The following MON1A variants were observed in gnomAD, a reference collection of about 807,000 sequenced individuals.
The protein encoded by MON1A is vacuolar fusion protein MON1 homolog A.
MON1A carries 29 observed loss-of-function variants against 44.6 expected under a neutral mutation model. The observed-to-expected ratio is 0.65, with a 90% CI of 0.48 to 0.89. MON1A has a LOEUF of 0.89. Among genes scored for constraint, MON1A ranks in the 40% least tolerant of loss-of-function variants. MON1A has a pLI of 0.00. For synonymous variants in MON1A, 275 were observed against 316.4 expected, an observed-to-expected ratio of 0.87 and a Z score of 1.39; for missense variants, 615 against 759.6, an observed-to-expected ratio of 0.81 and a Z score of 2.24.
intron 1 of MON1A, among the ~76,000 whole-genome samples, chr3:49,918,666 TC>T (rs920515678): frequency 6.6e-6 from 1 of 151,584 alleles, no homozygotes; most frequent in African/African-American, 2.4e-5. Context: ...CCCGCCTCAG[TC>T]CCCCAAAGTG....
chr3:49,927,989 C>G (rs1575482161), intron 1 of MON1A, among the ~76,000 whole-genome samples: 1 of 152,132 alleles, frequency 6.6e-6, no homozygotes, highest in East Asian at 1.9e-4. Flanking sequence ...TTCAAAGACC[C>G]AAACAAGGTC....
intron 1 of MON1A, among the ~76,000 whole-genome samples, chr3:49,921,214 G>C (rs993800761): frequency 2.0e-5 from 3 of 151,556 alleles, no homozygotes; most frequent in Non-Finnish European, 2.9e-5. Context: ...CTGGAGTGCA[G>C]TGGCGCGATC....
intron 1 of MON1A, among the ~76,000 whole-genome samples, chr3:49,914,079 T>G (rs916223240): frequency 4.6e-5 from 7 of 150,814 alleles, no homozygotes; most frequent in African/African-American, 1.7e-4. Context: ...TAATTTTCTT[T>G]TCTTCTTCTT....
rs964627325 is a variant in MON1A at position 49,909,893 on chromosome 3, A to G, written c.1379+226T>C. 1.8e-5 allele frequency: 9 copies of G among 502,468 alleles called. No homozygotes were observed. In the Admixed American group the frequency reaches 2.1e-4, roughly 12 times the overall value. 31.1% of individuals were successfully genotyped at this position (502,468 alleles called of 1,614,324 possible). On this transcript the variant is annotated intron_variant, in intron 4 of 5. Transcript: ENST00000296473. This position sits in a 1 kb window ranked among gnomAD's most constrained non-coding sequence, Gnocchi z 4.0. Reference sequence around the variant, plus strand: ...TGTTCCAGTTTCCTTCTCTGGGTATATTGGGCATTTCCAGGCCTTCTGGTT... The same window carrying G: ...TGTTCCAGTTTCCTTCTCTGGGTATGTTGGGCATTTCCAGGCCTTCTGGTT...
chr3:49,913,062 A>G (rs1249931345), intron 2 of MON1A, 158 bp downstream of exon 2: 1 of 946,916 alleles, frequency 1.1e-6, no homozygotes, highest in Non-Finnish European at 1.7e-6. Flanking sequence ...ATGCAGAATG[A>G]GCCTGGCCTC....
chr3:49,912,083 G>A (rs901673300), intron 2 of MON1A, 72 bp from the exon 3 acceptor site: 6 of 1,506,686 alleles, frequency 4.0e-6, no homozygotes, highest in African/African-American at 1.4e-5. Flanking sequence ...GGTGCCTAAC[G>A]TGGTCACTCC....
chr3:49,920,733 G>C lies in MON1A; in HGVS notation c.-13-7374C>G, dbSNP rs147650253. 1.3e-3 allele frequency: 198 copies of C among 152,256 alleles called. 1 individual carries two copies. The highest frequency in any genetic ancestry group is 4.5e-3 in the African/African-American group (189 of 41,540). The allele number at this position is 152,256 out of a possible 1,614,324, so 9.4% of individuals were successfully genotyped here. On this transcript the variant is annotated intron_variant, in intron 1 of 5. Coordinates refer to ENST00000296473, the MANE Select transcript of MON1A (RefSeq NM_032355.4). Reference sequence around the variant, plus strand: ...CACGCCTGTAATCCCAGCTACTCAGGAGGCTGAGGCAGGAGAATTGTTTGA... The same window carrying C: ...CACGCCTGTAATCCCAGCTACTCAGCAGGCTGAGGCAGGAGAATTGTTTGA...
At position 49,911,501 on chromosome 3, in the gene MON1A, C is replaced by T. The variant is rs1575470920; in HGVS notation, c.613+25G>A. The T allele has an allele frequency of 1.3e-6, 2 of 1,588,228 alleles. No individual in the cohort carries two copies. Among genetic ancestry groups the T allele is most frequent in the Non-Finnish European group, 1.7e-6 (2 of 1,165,426 alleles). On this transcript the variant is annotated intron_variant, in intron 3 of 5. Coordinates refer to ENST00000296473, the MANE Select transcript of MON1A (RefSeq NM_032355.4). This position sits in a 1 kb window ranked among gnomAD's most constrained non-coding sequence, Gnocchi z 5.7. ...ATGAACCTTGGCCAGGGGAGCCCGCCCCATTCCCTCTCCAGGTGGCTCACC... is the reference window on the plus strand; with the variant it reads ...ATGAACCTTGGCCAGGGGAGCCCGCTCCATTCCCTCTCCAGGTGGCTCACC...
In MON1A at chr3:49,912,252, G is replaced by A. The variant is rs2082895266; in HGVS notation, c.128-241C>T. On this transcript the variant is annotated intron_variant, in intron 2 of 5. Coordinates refer to ENST00000296473, the MANE Select transcript of MON1A (RefSeq NM_032355.4). Reference sequence around the variant, plus strand: ...ATGGCAGCAGTGGTGGCTGGTATCTGCCTACCTCTCATTCCCATCTCCCAC... The same window carrying A: ...ATGGCAGCAGTGGTGGCTGGTATCTACCTACCTCTCATTCCCATCTCCCAC... 8.6e-6 allele frequency: 4 copies of A among 467,700 alleles called. No individual in the cohort carries two copies. In the Admixed American group the frequency reaches 1.2e-4, roughly 14 times the overall value. The allele number at this position is 467,700 out of a possible 1,614,324, so 29.0% of individuals were successfully genotyped here.
rs750542993 is a variant in MON1A at position 49,909,411 on chromosome 3, G to A, written c.1380-11C>T. 1.9e-6 allele frequency: 3 copies of A among 1,613,668 alleles called. No homozygotes were observed. The highest frequency in any genetic ancestry group is 2.2e-5 in the South Asian group (2 of 91,060). On this transcript the variant is annotated splice_polypyrimidine_tract_variant and intron_variant, in intron 4 of 5. Coordinates refer to ENST00000296473, the MANE Select transcript of MON1A (RefSeq NM_032355.4). This position sits in a 1 kb window ranked among gnomAD's most constrained non-coding sequence, Gnocchi z 4.0. The stretch of plus-strand genomic sequence containing the variant: ...GCCTCAATCTCAGGGCTGCAGACAG[G>A]GTGGAGGGAGTGGGTTTGCAAAGGA...
rs1194495757 is a variant in MON1A, at chr3:49,910,350, G to C, written c.1148C>G (p.Ser383Cys). The change falls in exon 4 of 6, where the codon TCT becomes TGT. Residue 383 changes from serine (S) to cysteine (C), a missense_variant. Coordinates refer to ENST00000296473, the MANE Select transcript of MON1A (RefSeq NM_032355.4). This position sits in a 1 kb window ranked among gnomAD's most constrained non-coding sequence, Gnocchi z 8.0. ...NAAGFFHAHI[S>C]YLEPDTDLCL... ...GAGGTCAGTGTCAGGCTCTAGGTAAGAGATGTGTGCGTGGAAGAAGCCGGC... is the reference window on the plus strand; with the variant it reads ...GAGGTCAGTGTCAGGCTCTAGGTAACAGATGTGTGCGTGGAAGAAGCCGGC... 6.2e-7 allele frequency: 1 copy of C among 1,614,126 alleles called. No homozygotes were observed. The highest frequency in any genetic ancestry group is 8.5e-7 in the Non-Finnish European group (1 of 1,180,054).
intron 1 of MON1A, among the ~76,000 whole-genome samples, chr3:49,916,244 G>T (rs890941421): frequency 2.0e-5 from 3 of 152,188 alleles, no homozygotes; most frequent in Non-Finnish European, 4.4e-5. Flanking sequence ...CATGAAAAGG[G>T]TGGTCCCAAA....
intron 1 of MON1A, among the ~76,000 whole-genome samples, chr3:49,914,530 C>T (rs554010663): frequency 2.7e-5 from 4 of 149,068 alleles, no homozygotes; most frequent in South Asian, 2.1e-4. Flanking sequence ...CATGCCACTG[C>T]GCCTGCCTAA....
chr3:49,921,760 A>G (rs897023769), intron 1 of MON1A, among the ~76,000 whole-genome samples: 4 of 151,174 alleles, frequency 2.6e-5, no homozygotes, highest in African/African-American at 9.7e-5. Context: ...CCTGGGCTCA[A>G]GTGAACTTCC....
chr3:49,922,633 A>AG lies in MON1A; in HGVS notation c.-14+6975dup, dbSNP rs747878278. Among the ~76,000 whole-genome samples the AG allele has an allele frequency of 9.8e-4, 148 of 151,488 alleles. 1 individual carries two copies. Among genetic ancestry groups the AG allele is most frequent in the South Asian group, 2.3e-3 (11 of 4,766 alleles). ...GGAAGGAGGGAAAGGAAGGAAAGGA[A>AG]GAAAGGAAGGAAAAGAAGAAAGGAA... On this transcript the variant is annotated intron_variant, in intron 1 of 5. Transcript: ENST00000296473.
At chr3:49,929,015 AGCCTG>A (rs2083072709) in intron 1 of MON1A, among the ~76,000 whole-genome samples, 1 of 152,196 alleles carries the variant, frequency 6.6e-6, no homozygotes, top group African/African-American at 2.4e-5. Flanking sequence ...GTTCAAGACG[AGCCTG>A]GCCAACATGG....
At chr3:49,928,662 T>G in intron 1 of MON1A, among the ~76,000 whole-genome samples, 1 of 152,122 alleles carries the variant, frequency 6.6e-6, no homozygotes, top group African/African-American at 2.4e-5. Flanking sequence ...CATTTCACCT[T>G]AACCCTTTGG....
At position 49,909,550 on chromosome 3, in the gene MON1A, C is replaced by T; in HGVS notation, c.1380-150G>A. 1 of 1,004,426 alleles carries T rather than the reference C, an allele frequency of 1.0e-6. No individual in the cohort carries two copies. Among genetic ancestry groups the T allele is most frequent in the Admixed American group, 2.6e-5 (1 of 37,804 alleles). The allele number at this position is 1,004,426 out of a possible 1,614,324, so 62.2% of individuals were successfully genotyped here. A position where few individuals can be genotyped will look rare whatever the true frequency, so the allele number is the denominator to read the frequency against. ...CTTAGGACAGGGCATTGTCTCCCCA[C>T]CATAGCAGGCACCCCAGGACAGGGC... is the stretch of plus-strand genomic sequence containing the variant. On this transcript the variant is annotated intron_variant, in intron 4 of 5. Coordinates refer to ENST00000296473, the MANE Select transcript of MON1A (RefSeq NM_032355.4). This position sits in a 1 kb window ranked among gnomAD's most constrained non-coding sequence, Gnocchi z 4.0.
At chr3:49,913,883 T>C (rs9848497) in intron 1 of MON1A, among the ~76,000 whole-genome samples, 76,213 of 150,830 alleles carry the variant, frequency 0.51, 20,660 homozygotes, top group African/African-American at 0.67. Context: ...AGGCTGGTCT[T>C]GAACTCCTGA....
Sources: allele counts gnomAD v4.1 joint callset (sites outside exome capture counted in the v4.1 genomes callset), GRCh38; gene constraint gnomAD v4.1.1; non-coding constraint Gnocchi (gnomAD v3.1); transcripts MANE v1.5; gene names NCBI Gene and HGNC (gene_info 2026-07-23, HGNC 2026-07-21).